Variants in DPP10 observed in about 807,000 individuals in gnomAD.
DPP10 encodes dipeptidyl peptidase like 10.
Under a neutral mutation model 120.9 loss-of-function variants are expected in DPP10, and 33 were observed. That is an observed-to-expected ratio of 0.27 (90% CI 0.21 to 0.37). The LOEUF (loss-of-function observed/expected upper bound fraction) is 0.37, where lower values mean the gene tolerates loss of function less well. Among genes scored for constraint, DPP10 ranks in the 10% least tolerant of loss-of-function variants. The pLI is 1.00. For synonymous variants in DPP10, 337 were observed against 326.1 expected (o/e 1.03, Z -0.36); for missense variants, 816 against 942.8 (o/e 0.87, Z 1.76).
intron 19 of DPP10, among the ~76,000 whole-genome samples, chr2:115,792,578 T>C (rs1222960606): frequency 6.6e-6 from 1 of 152,180 alleles, no homozygotes; most frequent in African/African-American, 2.4e-5. Flanking sequence ...TGAAAGTTCT[T>C]AATGTCTCCT....
At chr2:114,544,508 A>G (rs10206216) in intron 1 of DPP10, among the ~76,000 whole-genome samples, 7,657 of 152,254 alleles carry the variant, frequency 0.05, 469 homozygotes, top group African/African-American at 0.14. Context: ...TTAGGGGCAT[A>G]AAATGGTCTG....
chr2:115,370,769 C>T (rs2065355741), intron 3 of DPP10, among the ~76,000 whole-genome samples: 1 of 152,000 alleles, frequency 6.6e-6, no homozygotes, highest in African/African-American at 2.4e-5. Flanking sequence ...TTTGTTAAAA[C>T]ATGAACTGGT....
chr2:115,824,849 T>TA (rs150004558), intron 21 of DPP10, among the ~76,000 whole-genome samples: 1,962 of 152,260 alleles, frequency 0.013, 44 homozygotes, highest in African/African-American at 0.042. Context: ...ATAATATATA[T>TA]TTTTTAGACA....
chr2:115,785,283 T>A (rs561261090), intron 17 of DPP10, among the ~76,000 whole-genome samples: 2 of 152,336 alleles, frequency 1.3e-5, no homozygotes, highest in South Asian at 4.1e-4. Flanking sequence ...AGCCACTGTT[T>A]TCTTGAAGTT....
At chr2:114,957,019 T>C (rs988761241) in intron 1 of DPP10, among the ~76,000 whole-genome samples, 3 of 146,732 alleles carry the variant, frequency 2.0e-5, no homozygotes, top group East Asian at 2.0e-4. Flanking sequence ...CTGCATGATA[T>C]TGATCTGAGC....
At chr2:115,223,979 CTTAAA>C (rs1402789846) in intron 1 of DPP10, among the ~76,000 whole-genome samples, 1 of 152,106 alleles carries the variant, frequency 6.6e-6, no homozygotes, top group Non-Finnish European at 1.5e-5. Flanking sequence ...CAAAATCACA[CTTAAA>C]TTATTCAATA....
At chr2:115,703,552 C>T (rs2091976828) in intron 7 of DPP10, among the ~76,000 whole-genome samples, 1 of 151,876 alleles carries the variant, frequency 6.6e-6, no homozygotes, top group South Asian at 2.1e-4. Context: ...GGCAGGTTGG[C>T]AGTTGGGAAA....
intron 1 of DPP10, among the ~76,000 whole-genome samples, chr2:115,119,427 A>T (rs2049708069): frequency 6.6e-6 from 1 of 152,150 alleles, no homozygotes; most frequent in Admixed American, 6.5e-5. Context: ...CAACCACTTG[A>T]TCATCACCTG....
At chr2:115,444,230 A>C (rs967687264) in intron 3 of DPP10, among the ~76,000 whole-genome samples, 1 of 152,002 alleles carries the variant, frequency 6.6e-6, no homozygotes, top group African/African-American at 2.4e-5. Flanking sequence ...TTTTCAACCT[A>C]TTTTTCTTCT....
chr2:114,890,304 T>A (rs1340463137), intron 1 of DPP10, among the ~76,000 whole-genome samples: 2 of 152,098 alleles, frequency 1.3e-5, no homozygotes, highest in Non-Finnish European at 1.5e-5. Flanking sequence ...AAATAGGAGA[T>A]AGTTGGGGAA....
chr2:114,632,996 G>C (rs1695046719), intron 1 of DPP10, among the ~76,000 whole-genome samples: 1 of 151,818 alleles, frequency 6.6e-6, no homozygotes, highest in African/African-American at 2.4e-5. Context: ...ACAAACCTCA[G>C]ACATAGAATT....
intron 1 of DPP10, among the ~76,000 whole-genome samples, chr2:114,456,630 A>G (rs939492052): frequency 1.3e-5 from 2 of 152,254 alleles, no homozygotes; most frequent in African/African-American, 4.8e-5. Context: ...GCAGTATATA[A>G]TGAAGTATAT....
intron 5 of DPP10, among the ~76,000 whole-genome samples, chr2:115,552,801 A>G (rs368022996): frequency 3.3e-5 from 5 of 152,116 alleles, no homozygotes; most frequent in South Asian, 4.1e-4. Context: ...AGCATTAAAC[A>G]TGTATTAACC....
intron 1 of DPP10, among the ~76,000 whole-genome samples, chr2:114,932,764 C>T (rs143536467): frequency 6.6e-6 from 1 of 152,242 alleles, no homozygotes; most frequent in South Asian, 2.1e-4. Context: ...TACATTTATA[C>T]ATGTGTTCAT....
intron 1 of DPP10, among the ~76,000 whole-genome samples, chr2:114,783,063 T>A (rs78660404): frequency 6.6e-5 from 10 of 152,166 alleles, no homozygotes; most frequent in African/African-American, 2.4e-4. Context: ...AAACAAAAAA[T>A]ATCTCTGAAC....
At chr2:114,860,981 CTA>C (rs1689765597) in intron 1 of DPP10, among the ~76,000 whole-genome samples, 1 of 152,144 alleles carries the variant, frequency 6.6e-6, no homozygotes, top group Non-Finnish European at 1.5e-5. Context: ...TCATGTGACT[CTA>C]TATTTTTACA....
intron 10 of DPP10, among the ~76,000 whole-genome samples, chr2:115,752,636 A>G (rs997350392): frequency 1.2e-4 from 19 of 152,218 alleles, no homozygotes; most frequent in Non-Finnish European, 1.5e-5. Context: ...CTTGGTAGCC[A>G]AAGTCCCCAC....
intron 1 of DPP10, among the ~76,000 whole-genome samples, chr2:115,010,570 A>G (rs1408532076): frequency 2.0e-5 from 3 of 152,178 alleles, no homozygotes; most frequent in African/African-American, 7.2e-5. Context: ...AATCTGTAGA[A>G]CATAATCACC....
intron 1 of DPP10, among the ~76,000 whole-genome samples, chr2:114,526,698 A>G (rs1685528568): frequency 6.6e-6 from 1 of 152,104 alleles, no homozygotes; most frequent in Non-Finnish European, 1.5e-5. Flanking sequence ...GTGTCCTCGC[A>G]TGATGGAAGG....
Sources: gnomAD v4.1 joint callset for allele counts (sites outside exome capture counted in the v4.1 genomes callset) on GRCh38, gnomAD v4.1.1 for gene constraint, MANE v1.5 for transcripts, NCBI Gene and HGNC (gene_info 2026-07-23, HGNC 2026-07-21) for gene names.